Variants in NEIL3 observed in about 807,000 individuals in gnomAD.
NEIL3 encodes nei like DNA glycosylase 3.
NEIL3 carries 48 observed loss-of-function variants against 57.5 expected under a neutral mutation model. The ratio of observed to expected loss-of-function variants is 0.83; its 90% CI spans 0.66 to 1.06. The LOEUF (loss-of-function observed/expected upper bound fraction) is 1.06, where lower values mean the gene tolerates loss of function less well. Ranked by LOEUF, NEIL3 falls within the 50% of genes least tolerant of loss-of-function variation. NEIL3 has a pLI of 0.00. For missense variants in NEIL3, 717 were observed against 739.1 expected (o/e 0.97, Z 0.35); for synonymous variants, 261 against 253.2 (o/e 1.03, Z -0.29).
intron 2 of NEIL3, among the ~76,000 whole-genome samples, chr4:177,330,274 AG>A (rs1056917969): frequency 6.6e-6 from 1 of 152,244 alleles, no homozygotes. Flanking sequence ...TAAATCACAA[AG>A]GAACTTAGAA....
At chr4:177,318,813 ACTC>A (rs1250039587) in intron 1 of NEIL3, among the ~76,000 whole-genome samples, 1 of 151,492 alleles carries the variant, frequency 6.6e-6, no homozygotes, top group Admixed American at 6.6e-5. Context: ...CTCTTTTTCT[ACTC>A]TTTTTCCTTA....
intron 2 of NEIL3, among the ~76,000 whole-genome samples, chr4:177,325,490 A>G (rs1008666365): frequency 2.6e-5 from 4 of 152,104 alleles, no homozygotes; most frequent in Non-Finnish European, 4.4e-5. Context: ...TAATATTGTG[A>G]ATAAAATTGC....
At chr4:177,369,386 A>G in the NEIL3 span, among the ~76,000 whole-genome samples, 39 of 152,316 alleles carry the variant, frequency 2.6e-4, no homozygotes, top group African/African-American at 7.9e-4. Context: ...TATGTGAAGG[A>G]AAATGGGGAG....
the NEIL3 span, among the ~76,000 whole-genome samples, chr4:177,370,380 G>A: frequency 6.6e-6 from 1 of 152,156 alleles, no homozygotes; most frequent in East Asian, 1.9e-4. Flanking sequence ...TAGTGTTTCT[G>A]GAGGAGCAGA....
At chr4:177,324,405 T>A (rs960738193) in intron 2 of NEIL3, among the ~76,000 whole-genome samples, 1 of 151,936 alleles carries the variant, frequency 6.6e-6, no homozygotes, top group Non-Finnish European at 1.5e-5. Flanking sequence ...TGGGATTCAT[T>A]GGTTGAATCT....
chr4:177,314,355 G>C (rs902896147), intron 1 of NEIL3, among the ~76,000 whole-genome samples: 1 of 152,194 alleles, frequency 6.6e-6, no homozygotes, highest in Non-Finnish European at 1.5e-5. Context: ...GCAGAGAAGA[G>C]AGCATCTGAT....
intron 2 of NEIL3, among the ~76,000 whole-genome samples, chr4:177,333,312 A>C (rs1436683175): frequency 2.0e-5 from 3 of 152,166 alleles, no homozygotes; most frequent in African/African-American, 7.2e-5. Context: ...CTGATTCTTA[A>C]AACAGGATCA....
At chr4:177,359,967 T>G (rs981307096) in intron 8 of NEIL3, among the ~76,000 whole-genome samples, 1 of 152,246 alleles carries the variant, frequency 6.6e-6, no homozygotes, top group Non-Finnish European at 1.5e-5. Flanking sequence ...TGATTGCGAC[T>G]ATTATAGTAG....
intron 2 of NEIL3, among the ~76,000 whole-genome samples, chr4:177,328,909 G>T (rs933345574): frequency 6.6e-6 from 1 of 152,108 alleles, no homozygotes; most frequent in African/African-American, 2.4e-5. Flanking sequence ...CACTAATGTT[G>T]TTGCAATATA....
chr4:177,321,995 A>T (rs1734694328), intron 1 of NEIL3, among the ~76,000 whole-genome samples: 1 of 152,160 alleles, frequency 6.6e-6, no homozygotes, highest in Admixed American at 6.6e-5. Flanking sequence ...ACTAGCTTAA[A>T]AGTTCATCGG....
intron 1 of NEIL3, among the ~76,000 whole-genome samples, chr4:177,321,653 A>G (rs1219649929): frequency 1.3e-5 from 2 of 152,182 alleles, no homozygotes; most frequent in Non-Finnish European, 2.9e-5. Context: ...ATATGTTGTC[A>G]TTCTAACAAT....
intron 2 of NEIL3, among the ~76,000 whole-genome samples, chr4:177,324,880 A>G (rs1245013118): frequency 6.6e-6 from 1 of 152,158 alleles, no homozygotes; most frequent in Non-Finnish European, 1.5e-5. Context: ...ACCCAGCTGC[A>G]CTCACACTGA....
At chr4:177,346,610 CT>C (rs1402003832) in intron 6 of NEIL3, among the ~76,000 whole-genome samples, 1 of 152,166 alleles carries the variant, frequency 6.6e-6, no homozygotes, top group Admixed American at 6.5e-5. Context: ...ACCTTTCTGC[CT>C]CTCCTCCCTC....
At chr4:177,343,633 T>G (rs1210501417) in intron 6 of NEIL3, 4 of 152,190 alleles carry the variant, frequency 2.6e-5, no homozygotes, top group African/African-American at 9.7e-5. Context: ...TCTGCATCAC[T>G]CTTCTTGTTC....
chr4:177,333,068 TC>T (rs1376155462), intron 2 of NEIL3, among the ~76,000 whole-genome samples: 6 of 152,102 alleles, frequency 3.9e-5, no homozygotes, highest in African/African-American at 1.4e-4. Flanking sequence ...CTTTTTACAT[TC>T]TTTTTTTTTT....
At chr4:177,364,863 G>T (rs1426935385), downstream of NEIL3, among the ~76,000 whole-genome samples, 1 of 151,910 alleles carries the variant, frequency 6.6e-6, no homozygotes, top group East Asian at 1.9e-4. Context: ...GGAAGGTGGA[G>T]GTTGCAGTGA....
In NEIL3 at chr4:177,355,972, A is replaced by G. The variant is rs915893697; in HGVS notation, c.1460+2244A>G. Among the ~76,000 whole-genome samples, 6 of 152,094 alleles carry G rather than the reference A, an allele frequency of 3.9e-5. No homozygotes were observed. In the East Asian group the frequency reaches 1.2e-3, roughly 29 times the overall value. ...GGGGGCTAAACTTTTAACTGACTGG[A>G]TAAATCCACCACGTTTTCACTTTAA... On this transcript the variant is annotated intron_variant, in intron 8 of 9. Coordinates refer to ENST00000264596, the MANE Select transcript of NEIL3 (RefSeq NM_018248.3).
intron 8 of NEIL3, among the ~76,000 whole-genome samples, chr4:177,358,600 C>G (rs1442752262): frequency 6.6e-6 from 1 of 152,186 alleles, no homozygotes; most frequent in African/African-American, 2.4e-5. Flanking sequence ...AGCCACCATG[C>G]CCAGCCTGTG....
chr4:177,345,377 T>G (rs1735193506), intron 6 of NEIL3, among the ~76,000 whole-genome samples: 1 of 152,182 alleles, frequency 6.6e-6, no homozygotes, highest in Non-Finnish European at 1.5e-5. Context: ...GAGCACATAT[T>G]CAGGTCTCTA....
Sources: allele counts gnomAD v4.1 joint callset (sites outside exome capture counted in the v4.1 genomes callset), GRCh38; gene constraint gnomAD v4.1.1; transcripts MANE v1.5; gene names NCBI Gene and HGNC (gene_info 2026-07-23, HGNC 2026-07-21).